The following CAMKMT variants were observed in gnomAD, a reference collection of about 807,000 sequenced individuals.
The protein encoded by CAMKMT is CaM KMT.
Under a neutral mutation model 48.0 loss-of-function variants are expected in CAMKMT, and 53 were observed. The observed-to-expected ratio is 1.10, with a 90% CI of 0.89 to 1.39. CAMKMT has a LOEUF of 1.39. Ranked by LOEUF, CAMKMT falls within the 40% of genes most tolerant of loss-of-function variation. The pLI is 0.00. For missense variants in CAMKMT, 428 were observed against 402.7 expected, an observed-to-expected ratio of 1.06 and a Z score of -0.54; for synonymous variants, 165 against 152.3, an observed-to-expected ratio of 1.08 and a Z score of -0.61.
At chr2:44,416,687 G>C (rs1683578199) in intron 3 of CAMKMT, among the ~76,000 whole-genome samples, 1 of 145,930 alleles carries the variant, frequency 6.9e-6, no homozygotes. Flanking sequence ...GATTCTCCCT[G>C]CCTCAGCCTC....
chr2:44,388,702 C>G (rs141176717), intron 2 of CAMKMT, among the ~76,000 whole-genome samples: 3,615 of 152,180 alleles, frequency 0.024, 164 homozygotes, highest in African/African-American at 0.083. Flanking sequence ...CTGGGTGTTC[C>G]CTTGATGTAG....
intron 10 of CAMKMT, among the ~76,000 whole-genome samples, chr2:44,768,743 A>G (rs1680972653): frequency 6.6e-6 from 1 of 152,146 alleles, no homozygotes; most frequent in Non-Finnish European, 1.5e-5. Context: ...GCTAATAGCC[A>G]GGGCTTAAAA....
chr2:44,394,110 A>G (rs1230707091), intron 3 of CAMKMT, among the ~76,000 whole-genome samples: 1 of 152,162 alleles, frequency 6.6e-6, no homozygotes, highest in East Asian at 1.9e-4. Context: ...TACTTCGTAT[A>G]ATTTATTATA....
intron 3 of CAMKMT, among the ~76,000 whole-genome samples, chr2:44,505,112 TC>T (rs954116321): frequency 1.3e-5 from 2 of 152,154 alleles, no homozygotes; most frequent in Non-Finnish European, 2.9e-5. Flanking sequence ...TTGTGAATGA[TC>T]CCATCCCTGT....
chr2:44,638,386 G>T (rs1673262239), intron 3 of CAMKMT, among the ~76,000 whole-genome samples: 1 of 152,056 alleles, frequency 6.6e-6, no homozygotes, highest in Non-Finnish European at 1.5e-5. Context: ...TCCCTTTACT[G>T]CAGGCATTAT....
At chr2:44,771,429 G>C (rs1218605893) in intron 10 of CAMKMT, among the ~76,000 whole-genome samples, 1 of 152,150 alleles carries the variant, frequency 6.6e-6, no homozygotes, top group Non-Finnish European at 1.5e-5. Flanking sequence ...TCTTATCACA[G>C]AAATATCCTC....
At chr2:44,634,799 C>CAAAA (rs1381130749) in intron 3 of CAMKMT, among the ~76,000 whole-genome samples, 1 of 23,912 alleles carries the variant, frequency 4.2e-5, no homozygotes, top group Admixed American at 5.5e-4. Context: ...TGAGGGCTAG[C>CAAAA]CAAAAAAAAA....
At chr2:44,503,947 A>G (rs79492255) in intron 3 of CAMKMT, among the ~76,000 whole-genome samples, 15,398 of 150,658 alleles carry the variant, frequency 0.1, 1,808 homozygotes, top group East Asian at 0.34. Context: ...GGAGAGAGGT[A>G]GAGAAAGAGG....
intron 3 of CAMKMT, among the ~76,000 whole-genome samples, chr2:44,662,433 T>C (rs1158059259): frequency 1.3e-5 from 2 of 152,228 alleles, no homozygotes. Context: ...CTGTGTTTAC[T>C]GTCAATGGAA....
chr2:44,641,337 G>A (rs530943792), intron 3 of CAMKMT, among the ~76,000 whole-genome samples: 10 of 151,978 alleles, frequency 6.6e-5, no homozygotes, highest in Non-Finnish European at 1.3e-4. Flanking sequence ...AGAGAAAGAC[G>A]GTCTTATGCA....
intron 3 of CAMKMT, among the ~76,000 whole-genome samples, chr2:44,487,573 GTTTAA>G (rs1669275003): frequency 2.0e-5 from 3 of 152,166 alleles, no homozygotes; most frequent in South Asian, 4.1e-4. Flanking sequence ...AATATAAACT[GTTTAA>G]TTTAATGACA....
intron 3 of CAMKMT, among the ~76,000 whole-genome samples, chr2:44,491,453 A>G (rs1669501375): frequency 6.6e-6 from 1 of 152,180 alleles, no homozygotes. Flanking sequence ...ACCTTTTGGT[A>G]CACCATTGGC....
chr2:44,568,832 C>T (rs1407168709), intron 3 of CAMKMT, among the ~76,000 whole-genome samples: 1 of 152,138 alleles, frequency 6.6e-6, no homozygotes, highest in Non-Finnish European at 1.5e-5. Context: ...TTCTGAGAGG[C>T]CCTGTGGAGG....
chr2:44,654,401 GA>G (rs907655002), intron 3 of CAMKMT, among the ~76,000 whole-genome samples: 7 of 151,946 alleles, frequency 4.6e-5, no homozygotes, highest in African/African-American at 1.2e-4. Flanking sequence ...TCATGAAGAA[GA>G]AAAAAACTAC....
intron 3 of CAMKMT, among the ~76,000 whole-genome samples, chr2:44,644,162 G>T (rs546547232): frequency 6.6e-6 from 1 of 152,176 alleles, no homozygotes; most frequent in Non-Finnish European, 1.5e-5. Flanking sequence ...ATCCAGTCTT[G>T]AGCTGTCAGT....
chr2:44,383,392 T>A (rs1166137878), intron 2 of CAMKMT, among the ~76,000 whole-genome samples: 5 of 152,176 alleles, frequency 3.3e-5, no homozygotes, highest in Admixed American at 1.3e-4. Context: ...CTCAAACTCC[T>A]GATCTTGTGA....
In CAMKMT at chr2:44,684,834, A is replaced by G. The variant is rs540949629; in HGVS notation, c.377-19449A>G. Among the ~76,000 whole-genome samples the G allele has an allele frequency of 3.9e-5, 6 of 152,314 alleles. No homozygotes were observed. In the East Asian group the frequency reaches 1.2e-3, roughly 29 times the overall value. On this transcript the variant is annotated intron_variant, in intron 3 of 10. Transcript: ENST00000378494. ...TCTACAGATTGTGGATATAGATAAG[A>G]AAGTCAGTGAAAGTGGATTGAGTGC... is the stretch of plus-strand genomic sequence containing the variant.
intron 6 of CAMKMT, among the ~76,000 whole-genome samples, chr2:44,710,226 A>G (rs1004282435): frequency 6.6e-6 from 1 of 152,126 alleles, no homozygotes; most frequent in African/African-American, 2.4e-5. Context: ...AAGCATGTCA[A>G]CCAGTTTTGA....
intron 7 of CAMKMT, among the ~76,000 whole-genome samples, chr2:44,733,653 A>G (rs1462940657): frequency 2.0e-5 from 3 of 152,166 alleles, no homozygotes; most frequent in Admixed American, 2.0e-4. Context: ...AGGAACAGAC[A>G]TTAATCTTTG....
Sources: gnomAD v4.1 joint callset for allele counts (sites outside exome capture counted in the v4.1 genomes callset) on GRCh38, gnomAD v4.1.1 for gene constraint, MANE v1.5 for transcripts, NCBI Gene and HGNC (gene_info 2026-07-23, HGNC 2026-07-21) for gene names.